Variants in INTU observed in about 807,000 individuals in gnomAD.
INTU encodes inturned planar cell polarity protein, also known as protein inturned.
A neutral mutation model predicts 100.5 loss-of-function variants in INTU; 68 were observed. The ratio of observed to expected loss-of-function variants is 0.68; its 90% CI spans 0.56 to 0.83. The LOEUF (loss-of-function observed/expected upper bound fraction) is 0.83, where lower values mean the gene tolerates loss of function less well. INTU is among the 40% of genes least tolerant of loss of function. The pLI is 0.00. For synonymous variants in INTU, 357 were observed against 395.7 expected, an observed-to-expected ratio of 0.90 and a Z score of 1.16; for missense variants, 1,071 against 1,114.7, an observed-to-expected ratio of 0.96 and a Z score of 0.56.
intron 4 of INTU, among the ~76,000 whole-genome samples, 194 bp from the exon 5 acceptor site, chr4:127,668,842 C>T (rs1017705561): frequency 4.0e-5 from 6 of 151,664 alleles, no homozygotes; most frequent in Non-Finnish European, 7.4e-5. Flanking sequence ...AACTTATTTT[C>T]AAGTGTAGTC....
chr4:127,676,480 G>A (rs111300022), intron 6 of INTU, among the ~76,000 whole-genome samples: 4 of 152,168 alleles, frequency 2.6e-5, no homozygotes, highest in South Asian at 2.1e-4. Flanking sequence ...CAGCTACTTG[G>A]GAGGCTGAGG....
intron 6 of INTU, among the ~76,000 whole-genome samples, chr4:127,674,836 TC>T (rs959765355): frequency 2.0e-5 from 3 of 152,212 alleles, no homozygotes; most frequent in African/African-American, 7.2e-5. Context: ...CAAAATCACT[TC>T]CAGACGTACT....
At chr4:127,710,399 AC>A (rs1731051388) in intron 13 of INTU, among the ~76,000 whole-genome samples, 1 of 152,080 alleles carries the variant, frequency 6.6e-6, no homozygotes, top group Admixed American at 6.6e-5. Context: ...ACTAAGTCCT[AC>A]CCATTCTGCA....
intron 1 of INTU, among the ~76,000 whole-genome samples, chr4:127,643,163 G>T (rs1727408412): frequency 6.6e-6 from 1 of 152,142 alleles, no homozygotes; most frequent in Non-Finnish European, 1.5e-5. Context: ...TTATCATTCA[G>T]TGAAATTGTT....
At chr4:127,649,590 G>A (rs1314231124) in intron 2 of INTU, among the ~76,000 whole-genome samples, 2 of 151,818 alleles carry the variant, frequency 1.3e-5, no homozygotes, top group African/African-American at 4.8e-5. Context: ...ATGCTCCAAT[G>A]AGCATTTCCT....
intron 9 of INTU, among the ~76,000 whole-genome samples, chr4:127,703,190 G>C (rs925188523): frequency 6.6e-6 from 1 of 152,138 alleles, no homozygotes; most frequent in Non-Finnish European, 1.5e-5. Flanking sequence ...CTGAATAGTA[G>C]TATTCCATCA....
intron 1 of INTU, among the ~76,000 whole-genome samples, chr4:127,641,307 T>C (rs1446080881): frequency 1.3e-5 from 2 of 152,064 alleles, no homozygotes; most frequent in Non-Finnish European, 2.9e-5. Context: ...CCAAACCCCT[T>C]AGGGTGATCT....
At chr4:127,685,713 C>G (rs1051722693) in intron 7 of INTU, 8 of 222,806 alleles carry the variant, frequency 3.6e-5, no homozygotes, top group Non-Finnish European at 6.4e-5. Flanking sequence ...CCATATTTTG[C>G]CCTAATTGAA....
At chr4:127,651,688 C>A (rs62334027) in intron 2 of INTU, among the ~76,000 whole-genome samples, 2,555 of 151,986 alleles carry the variant, frequency 0.017, 30 homozygotes, top group Middle Eastern at 0.037. Context: ...CTTAGGATTG[C>A]CTTGGCGATG....
At chr4:127,704,153 A>T in intron 9 of INTU, 75 bp from the exon 10 acceptor site, 1 of 1,196,896 alleles carries the variant, frequency 8.4e-7, no homozygotes, top group Non-Finnish European at 1.2e-6. Flanking sequence ...TTTTCATTTT[A>T]ACTATTATAG....
Position 127,721,814 on chromosome 4 carries a change from A to G in INTU, c.*5378A>G, listed in dbSNP as rs1731349229. 1 of 152,194 alleles carries G rather than the reference A, an allele frequency of 6.6e-6. No homozygotes were observed. Among genetic ancestry groups the G allele is most frequent in the Admixed American group, 6.5e-5 (1 of 15,278 alleles). The allele number at this position is 152,194 out of a possible 1,614,324, so 9.4% of individuals were successfully genotyped here. ...AGTTCTCATGTTTTTCAGCTCCATC[A>G]GATCATTTACGTTCCTCTCCAAACT... On this transcript the variant is annotated 3_prime_UTR_variant, in exon 16 of 16. Transcript: ENST00000335251.
intron 1 of INTU, among the ~76,000 whole-genome samples, chr4:127,635,639 T>A (rs1727035348): frequency 6.6e-6 from 1 of 152,186 alleles, no homozygotes; most frequent in Non-Finnish European, 1.5e-5. Flanking sequence ...TCCTTTAAAT[T>A]TTTTTCTGGG....
intron 2 of INTU, among the ~76,000 whole-genome samples, chr4:127,654,041 A>C (rs371844200): frequency 1.7e-4 from 25 of 150,788 alleles, no homozygotes; most frequent in Admixed American, 5.3e-4. Flanking sequence ...ACTAGGATTG[A>C]AACCCCTGCC....
At chr4:127,664,324 C>G (rs1173418634) in intron 4 of INTU, among the ~76,000 whole-genome samples, 1 of 151,976 alleles carries the variant, frequency 6.6e-6, no homozygotes, top group African/African-American at 2.4e-5. Context: ...TGAAGTGTTT[C>G]CAAATTCTAT....
At chr4:127,650,527 A>G (rs1391058690) in intron 2 of INTU, among the ~76,000 whole-genome samples, 4 of 151,958 alleles carry the variant, frequency 2.6e-5, no homozygotes, top group Non-Finnish European at 4.4e-5. Context: ...AATTTCACCC[A>G]TGTCCCTACA....
At chr4:127,679,277 G>C (rs1228557599) in intron 6 of INTU, among the ~76,000 whole-genome samples, 51 of 151,884 alleles carry the variant, frequency 3.4e-4, no homozygotes, top group Middle Eastern at 3.4e-3. Flanking sequence ...CAGAACTCTC[G>C]ACCCCAAATC....
rs1731409499 is a variant in INTU, at chr4:127,725,831, G to T, written c.*9395G>T. ...CTAAATGGATATTGAACTAAGCTCT[G>T]AAGGCAAACTTAGCTGCCTATTTTT... On this transcript the variant is annotated 3_prime_UTR_variant, in exon 16 of 16. Transcript: ENST00000335251. The T allele has an allele frequency of 6.6e-6, 1 of 152,088 alleles. No homozygotes were observed. Among genetic ancestry groups the T allele is most frequent in the African/African-American group, 2.4e-5 (1 of 41,422 alleles). 9.4% of individuals were successfully genotyped at this position (152,088 alleles called of 1,614,324 possible). A position where few individuals can be genotyped will look rare whatever the true frequency, so the allele number is the denominator to read the frequency against.
At chr4:127,676,403 T>A (rs1371386874) in intron 6 of INTU, among the ~76,000 whole-genome samples, 1 of 151,902 alleles carries the variant, frequency 6.6e-6, no homozygotes, top group African/African-American at 2.4e-5. Flanking sequence ...CTAGGTAACA[T>A]GGTGAAACCC....
intron 2 of INTU, among the ~76,000 whole-genome samples, chr4:127,650,932 A>G (rs544821242): frequency 5.5e-4 from 83 of 152,260 alleles, no homozygotes; most frequent in Middle Eastern, 6.8e-3. Context: ...GTGAGATGGT[A>G]TCTCATTGTG....
Sources: gnomAD v4.1 joint callset for allele counts (sites outside exome capture counted in the v4.1 genomes callset) on GRCh38, gnomAD v4.1.1 for gene constraint, MANE v1.5 for transcripts, NCBI Gene and HGNC (gene_info 2026-07-23, HGNC 2026-07-21) for gene names.